Variants in HECW2 observed in about 807,000 individuals in gnomAD.
HECW2 encodes HECT, C2 and WW domain containing E3 ubiquitin protein ligase 2.
A neutral mutation model predicts 175.2 loss-of-function variants in HECW2; 61 were observed. That is an observed-to-expected ratio of 0.35 (90% CI 0.28 to 0.43). The LOEUF is 0.43. Among genes scored for constraint, HECW2 ranks in the 20% least tolerant of loss-of-function variants. The pLI is 1.00. For synonymous variants in HECW2, 671 were observed against 731.0 expected (o/e 0.92, Z 1.32); for missense variants, 1,524 against 2,000.5 (o/e 0.76, Z 4.54).
At chr2:196,214,445 C>A (rs982559191) in intron 28 of HECW2, among the ~76,000 whole-genome samples, 5 of 152,186 alleles carry the variant, frequency 3.3e-5, no homozygotes, top group African/African-American at 1.2e-4. Context: ...TTCTTCAATG[C>A]AAATTCTTAA....
rs1245925756 is a variant in HECW2 at position 196,593,063 on chromosome 2, G to GGGA, written c.-36+444_-36+445insTCC. ...CAGAGCGCGCTCGGCGCGCCCCTCAGCGGCTCTTCCCGCCGCCCTCCGCAG... is the reference window on the plus strand; with the variant it reads ...CAGAGCGCGCTCGGCGCGCCCCTCAGGGACGGCTCTTCCCGCCGCCCTCCGCAG... On this transcript the variant is annotated intron_variant, in intron 1 of 28. Coordinates refer to ENST00000644978, the MANE Select transcript of HECW2 (RefSeq NM_001348768.2). 2.6e-5 allele frequency among the ~76,000 whole-genome samples: 4 copies of GGGA among 151,378 alleles called. No individual in the cohort carries two copies. In the East Asian group the frequency reaches 7.8e-4, roughly 29 times the overall value.
At chr2:196,506,163 C>A (rs1687756701) in intron 1 of HECW2, among the ~76,000 whole-genome samples, 1 of 151,944 alleles carries the variant, frequency 6.6e-6, no homozygotes, top group Non-Finnish European at 1.5e-5. Flanking sequence ...AACAAAAGAC[C>A]CAAACGAGGT....
intron 2 of HECW2, among the ~76,000 whole-genome samples, chr2:196,402,275 G>A (rs1694843826): frequency 6.8e-6 from 1 of 148,074 alleles, no homozygotes; most frequent in Non-Finnish European, 1.5e-5. Context: ...GAAATGACAA[G>A]CTTTAGCTCA....
intron 1 of HECW2, among the ~76,000 whole-genome samples, chr2:196,558,130 T>C (rs1305358449): frequency 6.6e-6 from 1 of 152,212 alleles, no homozygotes; most frequent in African/African-American, 2.4e-5. Flanking sequence ...CTTCATCCAG[T>C]AGTTTTCTTA....
chr2:196,573,311 A>G (rs1021769249), intron 1 of HECW2, among the ~76,000 whole-genome samples: 3 of 152,008 alleles, frequency 2.0e-5, no homozygotes, highest in African/African-American at 7.2e-5. Context: ...AAATAGGCTT[A>G]CAACATTATG....
At chr2:196,222,574 C>T (rs1436250515) in intron 23 of HECW2, among the ~76,000 whole-genome samples, 1 of 152,120 alleles carries the variant, frequency 6.6e-6, no homozygotes, top group Non-Finnish European at 1.5e-5. Flanking sequence ...AGGAATCATT[C>T]AGCCTGCGTC....
At position 196,415,247 on chromosome 2, in the gene HECW2, G is replaced by A. The variant is rs764943025; in HGVS notation, c.292+17885C>T. 4.6e-5 allele frequency among the ~76,000 whole-genome samples: 7 copies of A among 152,282 alleles called. No individual in the cohort carries two copies. In the South Asian group the frequency reaches 1.5e-3, roughly 32 times the overall value. On this transcript the variant is annotated intron_variant, in intron 2 of 28. Coordinates refer to ENST00000644978, the MANE Select transcript of HECW2 (RefSeq NM_001348768.2). ...GCAGGGTACTTATATTCCTCGGTAG[G>A]AGACTGGATGTGCATGTTAAAAGTG... is the stretch of plus-strand genomic sequence containing the variant.
chr2:196,586,122 A>C (rs1690965564), intron 1 of HECW2, among the ~76,000 whole-genome samples: 1 of 152,200 alleles, frequency 6.6e-6, no homozygotes, highest in Admixed American at 6.5e-5. Context: ...GGTCACTGAG[A>C]GATACTATGC....
chr2:196,253,810 A>G, intron 19 of HECW2, 110 bp downstream of exon 19: 1 of 980,908 alleles, frequency 1.0e-6, no homozygotes, highest in Non-Finnish European at 1.6e-6. Context: ...TGCTAACACC[A>G]AAGATGTACC....
intron 14 of HECW2, among the ~76,000 whole-genome samples, chr2:196,283,823 T>G (rs986387214): frequency 2.0e-5 from 3 of 152,206 alleles, no homozygotes; most frequent in African/African-American, 7.2e-5. Context: ...CACCATTATA[T>G]GTAGGGATTT....
At chr2:196,396,894 G>A (rs1488124407) in intron 2 of HECW2, among the ~76,000 whole-genome samples, 1 of 151,838 alleles carries the variant, frequency 6.6e-6, no homozygotes, top group Non-Finnish European at 1.5e-5. Context: ...GACGGATCAC[G>A]AGGTCAGGAG....
At chr2:196,301,683 G>A (rs1691059775) in intron 13 of HECW2, among the ~76,000 whole-genome samples, 1 of 150,074 alleles carries the variant, frequency 6.7e-6, no homozygotes, top group African/African-American at 2.4e-5. Flanking sequence ...CTTCTTTTGA[G>A]AAATGTCTAT....
chr2:196,496,970 A>C (rs1687415937), intron 1 of HECW2, among the ~76,000 whole-genome samples: 2 of 152,304 alleles, frequency 1.3e-5, no homozygotes, highest in East Asian at 1.9e-4. Flanking sequence ...AACGCACCTA[A>C]GTCTTGGTAT....
At chr2:196,400,782 CCT>C (rs1694795816) in intron 2 of HECW2, among the ~76,000 whole-genome samples, 2 of 151,618 alleles carry the variant, frequency 1.3e-5, no homozygotes, top group South Asian at 4.2e-4. Flanking sequence ...TTTGCCCTCT[CCT>C]CTCTCTGAGC....
intron 2 of HECW2, among the ~76,000 whole-genome samples, chr2:196,386,445 A>C (rs961034385): frequency 1.3e-5 from 2 of 152,202 alleles, no homozygotes; most frequent in African/African-American, 4.8e-5. Flanking sequence ...GAGCTTGCTA[A>C]CATGCTTGAG....
intron 1 of HECW2, among the ~76,000 whole-genome samples, chr2:196,557,185 CA>C (rs1285954705): frequency 6.6e-6 from 1 of 152,164 alleles, no homozygotes; most frequent in Non-Finnish European, 1.5e-5. Context: ...CACCTGAGGT[CA>C]GGAGTTCGAG....
chr2:196,591,075 C>T (rs1204677013), intron 1 of HECW2, among the ~76,000 whole-genome samples: 2 of 152,160 alleles, frequency 1.3e-5, no homozygotes, highest in African/African-American at 2.4e-5. Context: ...CAGTGGTAGG[C>T]GCAGAAAAGC....
chr2:196,208,289 T>C (rs1687140986), intron 28 of HECW2, among the ~76,000 whole-genome samples: 1 of 152,246 alleles, frequency 6.6e-6, no homozygotes, highest in African/African-American at 2.4e-5. Context: ...TTTTCAGATA[T>C]GGATACAGAG....
chr2:196,277,186 CT>C (rs961422708), intron 15 of HECW2, among the ~76,000 whole-genome samples: 1 of 151,864 alleles, frequency 6.6e-6, no homozygotes, highest in Non-Finnish European at 1.5e-5. Context: ...AAGGTTTGTT[CT>C]TTTTTTTGGT....
Sources: allele counts gnomAD v4.1 joint callset (sites outside exome capture counted in the v4.1 genomes callset), GRCh38; gene constraint gnomAD v4.1.1; transcripts MANE v1.5; gene names NCBI Gene and HGNC (gene_info 2026-07-23, HGNC 2026-07-21).